Variants in CACNA2D1 observed in about 807,000 individuals in gnomAD.
The protein encoded by CACNA2D1 is calcium voltage-gated channel auxiliary subunit alpha2delta 1, also known as voltage-dependent calcium channel subunit alpha-2/delta-1.
A neutral mutation model predicts 171.5 loss-of-function variants in CACNA2D1; 53 were observed. The ratio of observed to expected loss-of-function variants is 0.31; its 90% CI spans 0.25 to 0.39. CACNA2D1 has a LOEUF of 0.39. CACNA2D1 is among the 10% of genes least tolerant of loss of function. The pLI is 1.00. For synonymous variants in CACNA2D1, 442 were observed against 443.1 expected (o/e 1.00, Z 0.03); for missense variants, 903 against 1,299.8 (o/e 0.69, Z 4.69).
At chr7:82,103,298 A>G (rs1365603143) in intron 6 of CACNA2D1, among the ~76,000 whole-genome samples, 1 of 152,168 alleles carries the variant, frequency 6.6e-6, no homozygotes, top group African/African-American at 2.4e-5. Flanking sequence ...TCCATTTTAA[A>G]AAATAAGGAA....
At chr7:82,179,480 T>G (rs2129166447) in intron 3 of CACNA2D1, among the ~76,000 whole-genome samples, 1 of 152,264 alleles carries the variant, frequency 6.6e-6, no homozygotes, top group South Asian at 2.1e-4. Context: ...CTCTTCAGCT[T>G]GAGAACTGCA....
At chr7:82,404,412 G>C (rs1448353512) in intron 1 of CACNA2D1, among the ~76,000 whole-genome samples, 1 of 152,112 alleles carries the variant, frequency 6.6e-6, no homozygotes, top group East Asian at 1.9e-4. Context: ...AACTGTTTAG[G>C]CCTTCCCCAG....
intron 1 of CACNA2D1, among the ~76,000 whole-genome samples, chr7:82,442,416 T>G (rs1479159539): frequency 6.6e-6 from 1 of 152,140 alleles, no homozygotes; most frequent in Admixed American, 6.5e-5. Flanking sequence ...AGAACCAAAA[T>G]AAATGCTTTC....
At chr7:82,146,843 GGC>G (rs930973167) in intron 4 of CACNA2D1, among the ~76,000 whole-genome samples, 3 of 151,084 alleles carry the variant, frequency 2.0e-5, no homozygotes, top group Non-Finnish European at 4.4e-5. Flanking sequence ...AAAATTAGTT[GGC>G]CATGGTGGCA....
intron 3 of CACNA2D1, among the ~76,000 whole-genome samples, chr7:82,216,812 T>A (rs186577596): frequency 0.013 from 1,947 of 145,196 alleles, 27 homozygotes; most frequent in African/African-American, 0.032. Context: ...AATTTTTTTT[T>A]AAAAAAAGTA....
chr7:81,989,573 T>C lies in CACNA2D1; in HGVS notation c.1796+1612A>G, dbSNP rs182558438. Reference sequence around the variant, plus strand: ...AGTGATCAAGAGTCATCTACGAGAGTCCTAAAATTACAGGATTATGGATAC... The same window carrying C: ...AGTGATCAAGAGTCATCTACGAGAGCCCTAAAATTACAGGATTATGGATAC... On this transcript the variant is annotated intron_variant, in intron 21 of 38. Coordinates refer to ENST00000356860, the MANE Select transcript of CACNA2D1 (RefSeq NM_000722.4). Among the ~76,000 whole-genome samples the C allele has an allele frequency of 1.1e-4, 16 of 152,106 alleles. No individual in the cohort carries two copies. The East Asian group carries it at 2.9e-3, about 28-fold the overall frequency.
At chr7:82,189,645 T>C (rs978082428) in intron 3 of CACNA2D1, among the ~76,000 whole-genome samples, 1 of 151,786 alleles carries the variant, frequency 6.6e-6, no homozygotes, top group South Asian at 2.1e-4. Context: ...ACCAACTGAA[T>C]ATGGCAAGTC....
chr7:82,327,958 G>A (rs1450184807), intron 3 of CACNA2D1, among the ~76,000 whole-genome samples: 1 of 151,936 alleles, frequency 6.6e-6, no homozygotes, highest in Non-Finnish European at 1.5e-5. Flanking sequence ...CCCTCTTTCT[G>A]CTAAACTAGT....
chr7:82,038,179 T>C lies in CACNA2D1; in HGVS notation c.936A>G (p.Val312=), dbSNP rs781639226. The C allele has an allele frequency of 1.2e-6, 2 of 1,613,664 alleles. No homozygotes were observed. The highest frequency in any genetic ancestry group is 1.7e-6 in the Non-Finnish European group (2 of 1,179,848). Residue 312 remains valine (V), a synonymous_variant, in exon 11 of 39, where the codon GTA becomes GTG. Coordinates refer to ENST00000356860, the MANE Select transcript of CACNA2D1 (RefSeq NM_000722.4). ...CGTCTTTCAACACTTTTTTATTTCT[T>C]ACATTTGCTTGGACAAGGTGCTGAA... ...SCFQHLVQAN[V]RNKKVLKDAV...
chr7:82,044,533 C>T (rs929099106), intron 10 of CACNA2D1, among the ~76,000 whole-genome samples: 1 of 152,068 alleles, frequency 6.6e-6, no homozygotes, highest in African/African-American at 2.4e-5. Context: ...AATATTAGTA[C>T]ACTTATTTAC....
At chr7:82,380,066 C>G (rs1421168129) in intron 1 of CACNA2D1, among the ~76,000 whole-genome samples, 1 of 152,122 alleles carries the variant, frequency 6.6e-6, no homozygotes, top group African/African-American at 2.4e-5. Context: ...TATAGCATTA[C>G]TTTTAAATTG....
intron 21 of CACNA2D1, among the ~76,000 whole-genome samples, chr7:81,988,632 C>T (rs1359507034): frequency 6.6e-6 from 1 of 152,148 alleles, no homozygotes; most frequent in Non-Finnish European, 1.5e-5. Flanking sequence ...AAAGAGACTT[C>T]CGTACTTAAA....
rs369643118 is a variant in CACNA2D1, at chr7:82,111,313, T to C, written c.526+5731A>G. Among the ~76,000 whole-genome samples the C allele has an allele frequency of 3.1e-3, 321 of 103,288 alleles. 4 individuals carry two copies. Among genetic ancestry groups the C allele is most frequent in the East Asian group, 0.018 (68 of 3,844 alleles). The allele number at this position is 103,288 out of a possible 152,430, so 67.8% of individuals were successfully genotyped here. The stretch of plus-strand genomic sequence containing the variant: ...CTGGGTATATATATATATATATATA[T>C]ACGTGTATATACGCATACACGTATA... On this transcript the variant is annotated intron_variant, in intron 6 of 38. Coordinates refer to ENST00000356860, the MANE Select transcript of CACNA2D1 (RefSeq NM_000722.4).
chr7:82,190,085 G>C (rs2129184010), intron 3 of CACNA2D1, among the ~76,000 whole-genome samples: 1 of 151,926 alleles, frequency 6.6e-6, no homozygotes, highest in East Asian at 1.9e-4. Context: ...AGTATTCAAT[G>C]ATGAGAAACT....
At chr7:82,067,069 T>C (rs923360515) in intron 7 of CACNA2D1, among the ~76,000 whole-genome samples, 1 of 152,150 alleles carries the variant, frequency 6.6e-6, no homozygotes, top group African/African-American at 2.4e-5. Context: ...TGATGTGAAG[T>C]AATTCAAGCG....
chr7:81,978,033 T>A (rs944193251), intron 24 of CACNA2D1, among the ~76,000 whole-genome samples: 1 of 152,132 alleles, frequency 6.6e-6, no homozygotes, highest in African/African-American at 2.4e-5. Context: ...AAAACCACAA[T>A]GAGATAACAT....
intron 1 of CACNA2D1, among the ~76,000 whole-genome samples, chr7:82,428,464 G>A (rs1191076224): frequency 6.6e-6 from 1 of 152,184 alleles, no homozygotes; most frequent in Admixed American, 6.5e-5. Flanking sequence ...TCCCATTCCA[G>A]AGATTTTCCC....
intron 1 of CACNA2D1, among the ~76,000 whole-genome samples, chr7:82,438,284 C>G (rs1830250539): frequency 6.6e-6 from 1 of 152,062 alleles, no homozygotes; most frequent in Non-Finnish European, 1.5e-5. Context: ...TCTACTCTGT[C>G]AATCCACTTA....
At chr7:82,425,685 A>G (rs2129458037) in intron 1 of CACNA2D1, among the ~76,000 whole-genome samples, 1 of 151,588 alleles carries the variant, frequency 6.6e-6, no homozygotes. Context: ...GGTGCATGCC[A>G]GCACACCCAG....
Sources: gnomAD v4.1 joint callset for allele counts (sites outside exome capture counted in the v4.1 genomes callset) on GRCh38, gnomAD v4.1.1 for gene constraint, MANE v1.5 for transcripts, NCBI Gene and HGNC (gene_info 2026-07-23, HGNC 2026-07-21) for gene names.